Variants in PRIM2 observed in about 807,000 individuals in gnomAD.
The protein encoded by PRIM2 is DNA primase large subunit.
In PRIM2, 39 loss-of-function variants were observed where a neutral mutation model predicts 67.3. The observed-to-expected ratio is 0.58, with a 90% confidence interval of 0.45 to 0.76. PRIM2 has a LOEUF of 0.76. PRIM2 is among the 30% of genes least tolerant of loss of function. The pLI is 0.00. For synonymous variants in PRIM2, 143 were observed against 198.7 expected, an observed-to-expected ratio of 0.72 and a Z score of 2.36; for missense variants, 398 against 598.7, an observed-to-expected ratio of 0.66 and a Z score of 3.50.
chr6:57,320,530 T>C lies in PRIM2; in HGVS notation c.228T>C (p.Ser76=). 1 of 1,608,782 alleles carries C rather than the reference T, an allele frequency of 6.2e-7. No individual in the cohort carries two copies. Among genetic ancestry groups the C allele is most frequent in the Non-Finnish European group, 8.5e-7 (1 of 1,178,556 alleles). ...GTEQYQSKLE[S]ELRKLKFSYR... is the part of the protein sequence containing the mutation. ...AACAATACCAGAGTAAGTTGGAGAG[T>C]GAGCTTCGGAAGCTCAAGTTTTCCT... The change falls in exon 3 of 14, where the codon AGT becomes AGC. Residue 76 remains serine (S), a synonymous_variant. Transcript: ENST00000615550.
chr6:57,613,120 G>A, intron 12 of PRIM2, among the ~76,000 whole-genome samples: 1 of 151,936 alleles, frequency 6.6e-6, no homozygotes, highest in East Asian at 1.9e-4. Context: ...GAAAGAAAGG[G>A]TAGATGGTAA....
At chr6:57,446,180 T>G (rs1772356828) in intron 7 of PRIM2, among the ~76,000 whole-genome samples, 1 of 152,118 alleles carries the variant, frequency 6.6e-6, no homozygotes, top group Non-Finnish European at 1.5e-5. Context: ...AAAGACGTCT[T>G]GTAAAACTTT....
intron 10 of PRIM2, among the ~76,000 whole-genome samples, chr6:57,577,758 G>A (rs1775990433): frequency 6.6e-6 from 1 of 152,144 alleles, no homozygotes; most frequent in Non-Finnish European, 1.5e-5. Flanking sequence ...GAAAAGTTTA[G>A]ATTAATGGAA....
At chr6:57,540,524 T>G (rs1474099418) in intron 10 of PRIM2, among the ~76,000 whole-genome samples, 2 of 152,124 alleles carry the variant, frequency 1.3e-5, no homozygotes, top group Non-Finnish European at 2.9e-5. Flanking sequence ...AATTTTCTGG[T>G]GATATGCAAC....
chr6:57,421,914 A>C (rs866960922), intron 7 of PRIM2, among the ~76,000 whole-genome samples: 1 of 152,216 alleles, frequency 6.6e-6, no homozygotes, highest in South Asian at 2.1e-4. Flanking sequence ...CAAAATAATC[A>C]TCTAGAATAG....
intron 12 of PRIM2, among the ~76,000 whole-genome samples, chr6:57,623,860 A>G (rs1341457740): frequency 6.6e-6 from 1 of 152,140 alleles, no homozygotes; most frequent in African/African-American, 2.4e-5. Context: ...CTCTGAATTT[A>G]TATGATTATT....
intron 5 of PRIM2, among the ~76,000 whole-genome samples, chr6:57,377,979 T>G (rs1416955046): frequency 1.3e-5 from 2 of 152,120 alleles, no homozygotes; most frequent in African/African-American, 4.8e-5. Context: ...TTCTACAAAC[T>G]GTGTGTTTGG....
chr6:57,227,449 G>A, the PRIM2 span, among the ~76,000 whole-genome samples: 86 of 152,192 alleles, frequency 5.7e-4, no homozygotes, highest in African/African-American at 2.0e-3. Context: ...TTCAAGACCA[G>A]CCTGGCCAAC....
chr6:57,480,097 G>C (rs1773578513), intron 7 of PRIM2, among the ~76,000 whole-genome samples: 1 of 152,066 alleles, frequency 6.6e-6, no homozygotes, highest in Non-Finnish European at 1.5e-5. Flanking sequence ...TGGGCTGAGA[G>C]TTGGTGTCAT....
rs1156576933 is a variant in PRIM2 at position 57,642,435 on chromosome 6, CTTTTTTTTTTTTT to C, written c.1300-3480_1300-3468del. ...TATGCACATACCTTAAATATTATAT[CTTTTTTTTTTTTT>C]TTTTTTTTTTTTGAGACGGAGTTTC... is the stretch of plus-strand genomic sequence containing the variant. On this transcript the variant is annotated intron_variant, in intron 13 of 13. Coordinates refer to ENST00000615550, the MANE Select transcript of PRIM2 (RefSeq NM_000947.5). Among the ~76,000 whole-genome samples the C allele has an allele frequency of 7.2e-5, 6 of 83,184 alleles. No homozygotes were observed. In the East Asian group the frequency reaches 2.4e-3, roughly 33 times the overall value. 54.6% of individuals were successfully genotyped at this position (83,184 alleles called of 152,430 possible). A position where few individuals can be genotyped will look rare whatever the true frequency, so the allele number is the denominator to read the frequency against.
chr6:57,546,851 A>G lies in PRIM2; in HGVS notation c.1020+9226A>G, dbSNP rs1394877972. ...GCTTTTCACAGCATACCTTACTCCA[A>G]AAAACATTGGTTTCATAATGTAGGG... is the stretch of plus-strand genomic sequence containing the variant. On this transcript the variant is annotated intron_variant, in intron 10 of 13. Coordinates refer to ENST00000615550, the MANE Select transcript of PRIM2 (RefSeq NM_000947.5). Among the ~76,000 whole-genome samples, 368 of 152,328 alleles carry G rather than the reference A, an allele frequency of 2.4e-3. 2 individuals carry two copies. Among genetic ancestry groups the G allele is most frequent in the Middle Eastern group, 0.014 (4 of 294 alleles).
intron 7 of PRIM2, among the ~76,000 whole-genome samples, chr6:57,408,633 C>T (rs1212954879): frequency 3.3e-5 from 5 of 152,032 alleles, no homozygotes; most frequent in African/African-American, 4.8e-5. Flanking sequence ...TTTAGAATTC[C>T]GTGTAAATTG....
chr6:57,598,678 G>A (rs1299117499), intron 10 of PRIM2, among the ~76,000 whole-genome samples: 2 of 151,854 alleles, frequency 1.3e-5, no homozygotes, highest in African/African-American at 4.8e-5. Context: ...CTTGAGCCCA[G>A]GAGTTTGAGA....
At chr6:57,579,999 TA>T (rs1776052305) in intron 10 of PRIM2, among the ~76,000 whole-genome samples, 1 of 152,128 alleles carries the variant, frequency 6.6e-6, no homozygotes, top group African/African-American at 2.4e-5. Context: ...TATCAATATA[TA>T]AAAATATTTA....
chr6:57,298,115 A>G, the PRIM2 span, among the ~76,000 whole-genome samples: 1 of 152,154 alleles, frequency 6.6e-6, no homozygotes, highest in Non-Finnish European at 1.5e-5. Context: ...TAGTCCCAGC[A>G]CTTTGGGAAG....
At chr6:57,456,249 T>G (rs1403031905) in intron 7 of PRIM2, among the ~76,000 whole-genome samples, 1 of 152,210 alleles carries the variant, frequency 6.6e-6, no homozygotes, top group South Asian at 2.1e-4. Flanking sequence ...TTGGTGAATC[T>G]GACAATTATG....
At chr6:57,641,285 C>G (rs1264574732) in intron 13 of PRIM2, among the ~76,000 whole-genome samples, 1 of 151,902 alleles carries the variant, frequency 6.6e-6, no homozygotes, top group South Asian at 2.1e-4. Context: ...CCATAAAAAC[C>G]CTAGAAGAAA....
At chr6:57,599,769 G>T (rs1239941827) in intron 10 of PRIM2, among the ~76,000 whole-genome samples, 1 of 152,154 alleles carries the variant, frequency 6.6e-6, no homozygotes, top group African/African-American at 2.4e-5. Flanking sequence ...CTATCAACCC[G>T]TTATTCTGCT....
chr6:57,430,054 G>T (rs561853882), intron 7 of PRIM2, among the ~76,000 whole-genome samples: 1 of 152,154 alleles, frequency 6.6e-6, no homozygotes, highest in Non-Finnish European at 1.5e-5. Context: ...TTGAAATTGG[G>T]GATGGGGGAT....
Sources: gnomAD v4.1 joint callset for allele counts (sites outside exome capture counted in the v4.1 genomes callset) on GRCh38, gnomAD v4.1.1 for gene constraint, MANE v1.5 for transcripts, NCBI Gene and HGNC (gene_info 2026-07-23, HGNC 2026-07-21) for gene names.